AADAT: variants seen among roughly 807,000 people sequenced by gnomAD.
AADAT encodes the protein aminoadipate aminotransferase, also known as kynurenine/alpha-aminoadipate aminotransferase, mitochondrial.
AADAT carries 25 observed loss-of-function variants against 56.2 expected under a neutral mutation model. That is an observed-to-expected ratio of 0.44 (90% CI 0.32 to 0.62). The LOEUF (loss-of-function observed/expected upper bound fraction) is 0.62, where lower values mean the gene tolerates loss of function less well. Ranked by LOEUF, AADAT falls within the 20% of genes least tolerant of loss-of-function variation. The probability of loss-of-function intolerance (pLI) is 0.04; values close to 1 mark genes in which losing one functional copy is unlikely to be tolerated. For missense variants in AADAT, 387 were observed against 510.5 expected, an observed-to-expected ratio of 0.76 and a Z score of 2.33; for synonymous variants, 173 against 164.7, an observed-to-expected ratio of 1.05 and a Z score of -0.39.
Position 170,088,021 on chromosome 4 carries a change from T to C in AADAT, c.236+375A>G, listed in dbSNP as rs189202101. 3.0e-3 allele frequency among the ~76,000 whole-genome samples: 452 copies of C among 151,106 alleles called. 3 individuals carry two copies. Among genetic ancestry groups the C allele is most frequent in the Admixed American group, 0.01 (154 of 15,224 alleles). On this transcript the variant is annotated intron_variant, in intron 2 of 12. Coordinates refer to ENST00000337664, the MANE Select transcript of AADAT (RefSeq NM_016228.4). ...CTTCCTGGATCTTCCGTTTCTTCAT[T>C]TCTCCTGATATGTTTGTTTCACCTG...
At chr4:170,082,159 C>A (rs772807529) in intron 3 of AADAT, among the ~76,000 whole-genome samples, 2 of 152,144 alleles carry the variant, frequency 1.3e-5, no homozygotes, top group Non-Finnish European at 2.9e-5. Context: ...ACTCATAATT[C>A]TCATATGAAG....
chr4:170,092,625 T>G (rs1303932946), upstream of AADAT, among the ~76,000 whole-genome samples: 1 of 152,252 alleles, frequency 6.6e-6, no homozygotes, highest in Non-Finnish European at 1.5e-5. Flanking sequence ...AAAATGCTTC[T>G]GCGTTCAGAG....
upstream of AADAT, among the ~76,000 whole-genome samples, chr4:170,091,168 G>A (rs150341135): frequency 0.016 from 2,419 of 152,336 alleles, 26 homozygotes; most frequent in Middle Eastern, 0.037. Context: ...TGCACTGTGG[G>A]AGCCCCTTCC....
In AADAT at chr4:170,062,009, GA is replaced by G; in HGVS notation, c.1135-17del. The G allele has an allele frequency of 6.4e-7, 1 of 1,571,566 alleles. No homozygotes were observed. The highest frequency in any genetic ancestry group is 8.7e-7 in the Non-Finnish European group (1 of 1,143,770). ...GCATTAATACCTAAGAGAGTTTGTG[GA>G]AGATAAGTAATGTACCACTAAAGAA... On this transcript the variant is annotated splice_polypyrimidine_tract_variant and intron_variant, in intron 11 of 12. Coordinates refer to ENST00000337664, the MANE Select transcript of AADAT (RefSeq NM_016228.4).
intron 10 of AADAT, 88 bp from the exon 11 acceptor site, chr4:170,064,913 T>A (rs1269101817): frequency 2.6e-6 from 3 of 1,136,620 alleles, no homozygotes; most frequent in African/African-American, 1.6e-5. Flanking sequence ...ATAAGTATAG[T>A]AAGTAGAAAC....
At chr4:170,078,624 G>T in intron 3 of AADAT, 41 bp from the exon 4 acceptor site, 1 of 1,396,852 alleles carries the variant, frequency 7.2e-7, no homozygotes, top group Non-Finnish European at 9.9e-7. Flanking sequence ...GTCAGCATAG[G>T]TTAGTACTGT....
intron 4 of AADAT, among the ~76,000 whole-genome samples, chr4:170,077,996 T>G (rs1025122685): frequency 1.3e-5 from 2 of 152,172 alleles, no homozygotes; most frequent in Admixed American, 6.5e-5. Flanking sequence ...CAAACAAACC[T>G]AATGCTCAGC....
chr4:170,071,630 A>C (rs974250873), intron 5 of AADAT, among the ~76,000 whole-genome samples: 1 of 152,160 alleles, frequency 6.6e-6, no homozygotes, highest in African/African-American at 2.4e-5. Context: ...TTATACTGAC[A>C]TTTCTGCAGG....
At chr4:170,092,276 ACACT>A (rs749767818), upstream of AADAT, among the ~76,000 whole-genome samples, 4 of 152,232 alleles carry the variant, frequency 2.6e-5, no homozygotes, top group Non-Finnish European at 5.9e-5. Flanking sequence ...ATGAGTTGTA[ACACT>A]CACCGCGAAG....
intron 1 of AADAT, among the ~76,000 whole-genome samples, chr4:170,088,849 C>T (rs1056260789): frequency 2.0e-5 from 3 of 152,022 alleles, no homozygotes; most frequent in African/African-American, 7.3e-5. Flanking sequence ...TGCCCTTGGC[C>T]CTTCTGCCAC....
chr4:170,088,678 A>T, intron 1 of AADAT, 114 bp from the exon 2 acceptor site: 8 of 1,098,938 alleles, frequency 7.3e-6, no homozygotes, highest in Non-Finnish European at 1.1e-5. Flanking sequence ...CTAGTGATAG[A>T]GTGTGCTATG....
At chr4:170,073,378 A>G in intron 4 of AADAT, 33 bp from the exon 5 acceptor site, 1 of 1,565,754 alleles carries the variant, frequency 6.4e-7, no homozygotes. Context: ...TGAGTCAGTC[A>G]TGATTACAAA....
At chr4:170,091,245 G>A (rs911333873), upstream of AADAT, among the ~76,000 whole-genome samples, 5 of 152,200 alleles carry the variant, frequency 3.3e-5, no homozygotes, top group African/African-American at 7.2e-5. Context: ...AGGCACGGGC[G>A]GGAACCAGGG....
At chr4:170,088,607 T>C in intron 1 of AADAT, 43 bp from the exon 2 acceptor site, 1 of 1,573,334 alleles carries the variant, frequency 6.4e-7, no homozygotes, top group Non-Finnish European at 8.7e-7. Context: ...CATTGAAGAT[T>C]GTTATAAGCG....
upstream of AADAT, among the ~76,000 whole-genome samples, chr4:170,094,226 G>C (rs1343913094): frequency 6.6e-6 from 1 of 152,200 alleles, no homozygotes; most frequent in East Asian, 1.9e-4. Flanking sequence ...GCAGAATATA[G>C]TCACAGTGGT....
chr4:170,064,909 A>G (rs2111143849), intron 10 of AADAT, 84 bp from the exon 11 acceptor site: 1 of 1,177,476 alleles, frequency 8.5e-7, no homozygotes, highest in South Asian at 1.4e-5. Flanking sequence ...TGGCATAAGT[A>G]TAGTAAGTAG....
rs1481172376 is a variant in AADAT, at chr4:170,088,704, C to T, written c.68-140G>A. On this transcript the variant is annotated intron_variant, in intron 1 of 12. Transcript: ENST00000337664. ...GTGTGCTATGGTCTAAATGTTGGTG[C>T]TCCCCCAGATTCATACTTGGAAGTT... The T allele has an allele frequency of 1.4e-5, 12 of 857,210 alleles. No individual in the cohort carries two copies. In the South Asian group the frequency reaches 1.7e-4, roughly 12 times the overall value. 53.1% of individuals were successfully genotyped at this position (857,210 alleles called of 1,614,324 possible).
intron 5 of AADAT, among the ~76,000 whole-genome samples, chr4:170,071,959 T>C (rs974198270): frequency 6.6e-6 from 1 of 152,056 alleles, no homozygotes; most frequent in Non-Finnish European, 1.5e-5. Context: ...GGTGGGGCTG[T>C]GGAAAACCAG....
chr4:170,068,929 T>TC (rs1454331257), intron 7 of AADAT, among the ~76,000 whole-genome samples: 4 of 152,144 alleles, frequency 2.6e-5, no homozygotes, highest in Admixed American at 6.6e-5. Context: ...ACCTGACTGG[T>TC]CCGACTACAA....
Sources: gnomAD v4.1 joint callset for allele counts (sites outside exome capture counted in the v4.1 genomes callset) on GRCh38, gnomAD v4.1.1 for gene constraint, MANE v1.5 for transcripts, NCBI Gene and HGNC (gene_info 2026-07-23, HGNC 2026-07-21) for gene names.